Variants in PRR16 observed in about 807,000 individuals in gnomAD.
PRR16 encodes protein Largen.
PRR16 carries 6 observed loss-of-function variants against 18.2 expected under a neutral mutation model. The ratio of observed to expected loss-of-function variants is 0.33; its 90% CI spans 0.18 to 0.65. PRR16 has a LOEUF of 0.65. Among genes scored for constraint, PRR16 ranks in the 30% least tolerant of loss-of-function variants. The probability of loss-of-function intolerance (pLI) is 0.74; values close to 1 mark genes in which losing one functional copy is unlikely to be tolerated. For synonymous variants in PRR16, 151 were observed against 147.8 expected, an observed-to-expected ratio of 1.02 and a Z score of -0.16; for missense variants, 412 against 376.6, an observed-to-expected ratio of 1.09 and a Z score of -0.78.
At chr5:120,701,105 A>C in the PRR16 span, among the ~76,000 whole-genome samples, 1 of 152,202 alleles carries the variant, frequency 6.6e-6, no homozygotes. Context: ...GCTGCAGTTC[A>C]GGCATTTGGA....
chr5:120,723,122 C>A, the PRR16 span, among the ~76,000 whole-genome samples: 1 of 151,768 alleles, frequency 6.6e-6, no homozygotes, highest in Admixed American at 6.6e-5. Context: ...GCAATACCAT[C>A]ATTGTAGTTC....
the PRR16 span, among the ~76,000 whole-genome samples, chr5:120,748,169 A>G: frequency 6.6e-6 from 1 of 152,090 alleles, no homozygotes; most frequent in Non-Finnish European, 1.5e-5. Context: ...AGAGAGCAAA[A>G]TACTGAAATA....
At chr5:120,739,476 G>T in the PRR16 span, among the ~76,000 whole-genome samples, 4 of 152,130 alleles carry the variant, frequency 2.6e-5, no homozygotes, top group African/African-American at 9.6e-5. Context: ...AACAAAGACA[G>T]TTGCCATGTC....
In PRR16 at chr5:120,464,450, C is replaced by A. The variant is rs961645177; in HGVS notation, c.-37C>A. ...GGGGGCACGCAGCAGCCTCCGCTCG[C>A]CCGCCTGTCCTGACCTGCCTCGCTT... On this transcript the variant is annotated 5_prime_UTR_variant, in exon 1 of 2. Transcript: ENST00000407149. The A allele has an allele frequency of 4.6e-6, 7 of 1,538,214 alleles. No individual in the cohort carries two copies. The highest frequency in any genetic ancestry group is 6.1e-6 in the Non-Finnish European group (7 of 1,146,898).
the PRR16 span, among the ~76,000 whole-genome samples, chr5:120,699,499 A>G: frequency 3.3e-5 from 5 of 152,172 alleles, no homozygotes; most frequent in African/African-American, 1.2e-4. Context: ...AACAACGGTA[A>G]TTGTGGGAGA....
intron 1 of PRR16, among the ~76,000 whole-genome samples, chr5:120,502,215 C>T (rs1261324085): frequency 1.3e-5 from 2 of 150,932 alleles, no homozygotes; most frequent in Non-Finnish European, 3.0e-5. Flanking sequence ...GAGTATACAT[C>T]AGAATATCCA....
chr5:120,782,430 T>C, the PRR16 span, among the ~76,000 whole-genome samples: 1 of 152,158 alleles, frequency 6.6e-6, no homozygotes, highest in South Asian at 2.1e-4. Context: ...AAATTGTGTT[T>C]TAAAAGTGAA....
chr5:120,764,426 A>G, the PRR16 span, among the ~76,000 whole-genome samples: 5 of 150,610 alleles, frequency 3.3e-5, no homozygotes, highest in African/African-American at 1.2e-4. Context: ...TCATTATTTA[A>G]TTTTTTTTTA....
At chr5:120,586,258 T>C (rs1050144573) in intron 1 of PRR16, among the ~76,000 whole-genome samples, 1 of 152,106 alleles carries the variant, frequency 6.6e-6, no homozygotes, top group African/African-American at 2.4e-5. Context: ...TAAAAAATAA[T>C]TGACTGGGTT....
chr5:120,756,718 A>G, the PRR16 span, among the ~76,000 whole-genome samples: 1 of 151,972 alleles, frequency 6.6e-6, no homozygotes, highest in Non-Finnish European at 1.5e-5. Context: ...ATAGTTTCCA[A>G]ATATTTTCTC....
chr5:120,555,033 T>C (rs1159568599), intron 1 of PRR16, among the ~76,000 whole-genome samples: 1 of 151,952 alleles, frequency 6.6e-6, no homozygotes, highest in Non-Finnish European at 1.5e-5. Context: ...AAGTTTATAT[T>C]GCCAATTTGA....
intron 1 of PRR16, among the ~76,000 whole-genome samples, chr5:120,535,002 A>T (rs1325612493): frequency 6.6e-6 from 1 of 152,196 alleles, no homozygotes; most frequent in African/African-American, 2.4e-5. Flanking sequence ...AGTAACATAC[A>T]TGCATCTAAA....
At chr5:120,581,535 C>G (rs1753272891) in intron 1 of PRR16, among the ~76,000 whole-genome samples, 1 of 151,930 alleles carries the variant, frequency 6.6e-6, no homozygotes, top group African/African-American at 2.4e-5. Context: ...CTTCTCTGAT[C>G]TTAGTTATTT....
At chr5:120,615,146 C>G (rs557319548) in intron 1 of PRR16, among the ~76,000 whole-genome samples, 144 of 152,154 alleles carry the variant, frequency 9.5e-4, no homozygotes, top group African/African-American at 3.4e-3. Flanking sequence ...CACATTAACC[C>G]TATGAAGCTA....
At chr5:120,528,408 C>G (rs1456053130) in intron 1 of PRR16, among the ~76,000 whole-genome samples, 2 of 152,026 alleles carry the variant, frequency 1.3e-5, no homozygotes, top group African/African-American at 4.8e-5. Context: ...TTGTAGGACT[C>G]AAGATACTGA....
At chr5:120,754,010 T>G in the PRR16 span, among the ~76,000 whole-genome samples, 1 of 125,578 alleles carries the variant, frequency 8.0e-6, no homozygotes, top group African/African-American at 3.0e-5. Context: ...ATATATATTA[T>G]ATAATATATA....
At chr5:120,733,638 TC>T in the PRR16 span, among the ~76,000 whole-genome samples, 3 of 152,188 alleles carry the variant, frequency 2.0e-5, no homozygotes, top group Non-Finnish European at 4.4e-5. Flanking sequence ...CCCCGCTCTC[TC>T]AGTAACATTG....
chr5:120,498,005 T>C (rs557663469), intron 1 of PRR16, among the ~76,000 whole-genome samples: 81 of 151,592 alleles, frequency 5.3e-4, no homozygotes, highest in African/African-American at 1.8e-3. Context: ...TTGATGTATT[T>C]AGGCTATTCA....
At chr5:120,766,440 AT>A in the PRR16 span, among the ~76,000 whole-genome samples, 1 of 151,802 alleles carries the variant, frequency 6.6e-6, no homozygotes, top group African/African-American at 2.4e-5. Context: ...CTTTTCTATT[AT>A]ATCTTTTTTT....
Sources: gnomAD v4.1 joint callset for allele counts (sites outside exome capture counted in the v4.1 genomes callset) on GRCh38, gnomAD v4.1.1 for gene constraint, MANE v1.5 for transcripts, NCBI Gene and HGNC (gene_info 2026-07-23, HGNC 2026-07-21) for gene names.